ALDH3B1: variants seen among roughly 807,000 people sequenced by gnomAD.
The protein encoded by ALDH3B1 is aldehyde dehydrogenase 3 family member B1.
A neutral mutation model predicts 46.2 loss-of-function variants in ALDH3B1; 37 were observed. The ratio of observed to expected loss-of-function variants is 0.80; its 90% CI spans 0.62 to 1.05. ALDH3B1 has a LOEUF of 1.05. Among genes scored for constraint, ALDH3B1 ranks in the 50% least tolerant of loss-of-function variants. The pLI is 0.00. For missense variants in ALDH3B1, 603 were observed against 665.5 expected (o/e 0.91, Z 1.03); for synonymous variants, 283 against 281.0 (o/e 1.01, Z -0.07).
Position 68,018,595 on chromosome 11 carries a change from C to T in ALDH3B1, c.231C>T (p.Asn77=), listed in dbSNP as rs1413796806. 4 of 1,582,638 alleles carry T rather than the reference C, an allele frequency of 2.5e-6. No homozygotes were observed. Among genetic ancestry groups the T allele is most frequent in the Non-Finnish European group, 2.6e-6 (3 of 1,164,964 alleles). Residue 77 remains asparagine (N), a synonymous_variant, in exon 3 of 10, where the codon AAC becomes AAT. Coordinates refer to ENST00000342456, the MANE Select transcript of ALDH3B1 (RefSeq NM_000694.4). ...SQGEVTLALR[N]LRAWMKDERV... ...GCGAGGTCACCCTGGCCCTCAGGAA[C>T]CTCCGGGCCTGGATGAAGGACGAGC...
intron 4 of ALDH3B1, 25 bp from the exon 5 acceptor site, chr11:68,019,145 G>A (rs1255669084): frequency 1.9e-6 from 3 of 1,603,864 alleles, no homozygotes; most frequent in Non-Finnish European, 2.6e-6. Flanking sequence ...GCCTCCTCCA[G>A]CTCTCTCCCT....
chr11:68,012,399 G>A (rs866918079), intron 1 of ALDH3B1, among the ~76,000 whole-genome samples: 97 of 152,300 alleles, frequency 6.4e-4, no homozygotes, highest in African/African-American at 2.2e-3. Flanking sequence ...CTGGCCCCCA[G>A]GCCAGAGGAA....
chr11:68,015,590 A>G, intron 2 of ALDH3B1, 131 bp downstream of exon 2: 1 of 1,188,706 alleles, frequency 8.4e-7, no homozygotes, highest in Non-Finnish European at 1.2e-6. Context: ...CCCCTAGGCC[A>G]GAGCCACCCT....
chr11:68,013,987 C>T (rs1311956280), intron 1 of ALDH3B1, among the ~76,000 whole-genome samples: 1 of 152,228 alleles, frequency 6.6e-6, no homozygotes, highest in East Asian at 1.9e-4. Flanking sequence ...GCAGGGCCAT[C>T]CTGCAGACCG....
At position 68,026,002 on chromosome 11, in the gene ALDH3B1, C is replaced by T. The variant is rs1480535011; in HGVS notation, c.1117-7C>T. 5 of 1,588,736 alleles carry T rather than the reference C, an allele frequency of 3.1e-6. No individual in the cohort carries two copies. The highest frequency in any genetic ancestry group is 1.7e-4 in the Middle Eastern group (1 of 6,002). On this transcript the variant is annotated splice_region_variant and splice_polypyrimidine_tract_variant and intron_variant, in intron 8 of 9. Transcript: ENST00000342456. The stretch of plus-strand genomic sequence containing the variant: ...GGCAGCCTCACGCACATCCTGTTCT[C>T]TCCCAGGTGGTCAAGCGGGTGCTGA...
rs961037941 is a variant in ALDH3B1, at chr11:68,018,771, A to G, written c.274-2A>G. On this transcript the variant is annotated splice_acceptor_variant, in intron 3 of 9. Transcript: ENST00000342456. LOFTEE classifies it high-confidence loss of function. Reference sequence around the variant, plus strand: ...TAATTTCATCCCCGGCTCCCGGCCCAGGCCACGCAGCTGGACTCCGCCTTC... The same window carrying G: ...TAATTTCATCCCCGGCTCCCGGCCCGGGCCACGCAGCTGGACTCCGCCTTC... The G allele has an allele frequency of 8.4e-6, 13 of 1,552,300 alleles. No individual in the cohort carries two copies. The highest frequency in any genetic ancestry group is 1.1e-5 in the Non-Finnish European group (13 of 1,147,770).
chr11:68,022,220 C>T (rs1454810188), intron 7 of ALDH3B1, among the ~76,000 whole-genome samples: 3 of 152,210 alleles, frequency 2.0e-5, no homozygotes, highest in Non-Finnish European at 2.9e-5. Flanking sequence ...CCGAGAGTCC[C>T]GTCCTGAGCC....
chr11:68,025,980 A>G (rs2286164), intron 8 of ALDH3B1, 29 bp from the exon 9 acceptor site: 346,542 of 1,499,684 alleles, frequency 0.23, 41,766 homozygotes, highest in African/African-American at 0.38. Context: ...GGCTCAAGGC[A>G]GCCTCACGCA....
intron 1 of ALDH3B1, among the ~76,000 whole-genome samples, chr11:68,014,658 G>A (rs1857302676): frequency 6.6e-6 from 1 of 152,078 alleles, no homozygotes; most frequent in African/African-American, 2.4e-5. Context: ...GAGGCCCGAG[G>A]TGTTCTCCCC....
At chr11:68,010,159 C>G (rs765251988), upstream of ALDH3B1, among the ~76,000 whole-genome samples, 1 of 152,148 alleles carries the variant, frequency 6.6e-6, no homozygotes, top group Non-Finnish European at 1.5e-5. Flanking sequence ...GCCCTCTGGG[C>G]GTTGACTTCT....
At chr11:68,019,349 G>T in intron 5 of ALDH3B1, 94 bp downstream of exon 5, 1 of 1,073,902 alleles carries the variant, frequency 9.3e-7, no homozygotes, top group Non-Finnish European at 1.4e-6. Flanking sequence ...TCAGACCCGA[G>T]TCCCCACCTC....
Position 68,028,270 on chromosome 11 carries a change from C to A in ALDH3B1, c.*331C>A, listed in dbSNP as rs182803449. 1.1e-4 allele frequency: 52 copies of A among 464,544 alleles called. No homozygotes were observed. The highest frequency in any genetic ancestry group is 6.3e-4 in the Middle Eastern group (1 of 1,600). The allele number at this position is 464,544 out of a possible 1,614,324, so 28.8% of individuals were successfully genotyped here. Reference sequence around the variant, plus strand: ...ACCCCTCTCCTGTGGAGCGGGCGTCCGAGGGGCCCTGGCATCTGACTCAGG... The same window carrying A: ...ACCCCTCTCCTGTGGAGCGGGCGTCAGAGGGGCCCTGGCATCTGACTCAGG... On this transcript the variant is annotated 3_prime_UTR_variant, in exon 10 of 10. Transcript: ENST00000342456.
chr11:68,019,013 A>G, intron 4 of ALDH3B1, 120 bp downstream of exon 4: 1 of 1,468,514 alleles, frequency 6.8e-7, no homozygotes, highest in Non-Finnish European at 9.1e-7. Flanking sequence ...TGTCTGGTCC[A>G]CCGTCCCCGG....
chr11:68,015,422 A>G lies in ALDH3B1; in HGVS notation c.125A>G (p.Gln42Arg), dbSNP rs1490728256. The G allele has an allele frequency of 6.4e-7, 1 of 1,560,180 alleles. No homozygotes were observed. The highest frequency in any genetic ancestry group is 8.7e-7 in the Non-Finnish European group (1 of 1,152,432). ...GLGRFLQENK[Q>R]LLHDALAQDL... ...GGCCGCTTCCTGCAAGAAAACAAGC[A>G]GCTTCTGCACGACGCACTGGCCCAG... Residue 42 changes from glutamine (Q) to arginine (R), a missense_variant, in exon 2 of 10, where the codon CAG becomes CGG. By Grantham distance (43) the Gln-to-Arg change is conservative. Transcript: ENST00000342456.
At chr11:68,015,485 G>A (rs1485943017) in intron 2 of ALDH3B1, 26 bp downstream of exon 2, 1 of 1,563,766 alleles carries the variant, frequency 6.4e-7, no homozygotes, top group East Asian at 2.4e-5. Flanking sequence ...GGGTATGAGA[G>A]GGTGCACTGG....
chr11:68,014,648 G>T (rs1857302183), intron 1 of ALDH3B1, among the ~76,000 whole-genome samples: 1 of 152,196 alleles, frequency 6.6e-6, no homozygotes, highest in Non-Finnish European at 1.5e-5. Flanking sequence ...GGGCCTCCAG[G>T]AGGCCCGAGG....
intron 2 of ALDH3B1, chr11:68,017,906 C>T (rs1293843500): frequency 6.6e-6 from 1 of 152,332 alleles, no homozygotes; most frequent in Non-Finnish European, 1.5e-5. Context: ...TAAGTCAGAT[C>T]CCATCCCTGC....
Position 68,027,757 on chromosome 11 carries a change from G to A in ALDH3B1, c.1225G>A (p.Gly409Arg). Residue 409 changes from glycine (G) to arginine (R), a missense_variant, in exon 10 of 10, where the codon GGG becomes AGG. Transcript: ENST00000342456. ...TCTGTGCCACTGTACAGGTGCCAGT[G>A]GGATGGGCCGGTACCATGGCAAGTT... is the stretch of plus-strand genomic sequence containing the variant. ...SLPFGGVGAS[G>R]MGRYHGKFSF... The A allele has an allele frequency of 6.4e-7, 1 of 1,556,604 alleles. No homozygotes were observed. The highest frequency in any genetic ancestry group is 8.7e-7 in the Non-Finnish European group (1 of 1,148,826).
Position 68,027,804 on chromosome 11 carries a change from C to A in ALDH3B1, c.1272C>A (p.His424Gln). The A allele has an allele frequency of 6.4e-7, 1 of 1,559,474 alleles. No homozygotes were observed. The highest frequency in any genetic ancestry group is 8.7e-7 in the Non-Finnish European group (1 of 1,150,700). Residue 424 changes from histidine to glutamine, a missense_variant, in exon 10 of 10, where the codon CAC becomes CAA. Physicochemically the swap from His to Gln is conservative, Grantham distance 24 (BLOSUM62 0). Coordinates refer to ENST00000342456, the MANE Select transcript of ALDH3B1 (RefSeq NM_000694.4). ...AGTTCTCCTTCGACACCTTCTCCCA[C>A]CATCGCGCCTGCCTCCTGCGCAGCC... The part of the protein sequence containing the change: ...HGKFSFDTFS[H>Q]HRACLLRSPG...
Sources: gnomAD v4.1 joint callset for allele counts (sites outside exome capture counted in the v4.1 genomes callset) on GRCh38, gnomAD v4.1.1 for gene constraint, MANE v1.5 for transcripts, NCBI Gene and HGNC (gene_info 2026-07-23, HGNC 2026-07-21) for gene names.